Variants in GPATCH2L observed in about 807,000 individuals in gnomAD.
GPATCH2L encodes G patch domain-containing protein 2-like.
GPATCH2L carries 31 observed loss-of-function variants against 57.4 expected under a neutral mutation model. That is an observed-to-expected ratio of 0.54 (90% confidence interval 0.41 to 0.73). The LOEUF is 0.73. Among genes scored for constraint, GPATCH2L ranks in the 30% least tolerant of loss-of-function variants. The probability of loss-of-function intolerance (pLI) is 0.00; values close to 1 mark genes in which losing one functional copy is unlikely to be tolerated. For missense variants in GPATCH2L, 481 were observed against 599.9 expected (o/e 0.80, Z 2.07); for synonymous variants, 199 against 210.7 (o/e 0.94, Z 0.48).
At position 76,180,841 on chromosome 14, in the gene GPATCH2L, C is replaced by T. The variant is rs1367037853; in HGVS notation, c.1185C>T (p.Cys395=). 12 of 1,603,082 alleles carry T rather than the reference C, an allele frequency of 7.5e-6. No homozygotes were observed. The highest frequency in any genetic ancestry group is 1.0e-5 in the Non-Finnish European group (12 of 1,170,010). Residue 395 remains cysteine (C), a synonymous_variant, in exon 8 of 10, where the codon TGC becomes TGT. Transcript: ENST00000261530. ...ACCGAAGGTGTTCACCAGCACACTG[C>T]TCTGCCAGGTAATTGTCTTTTAGTA... ...ASHRRCSPAH[C]SARQANVHWG...
intron 8 of GPATCH2L, among the ~76,000 whole-genome samples, chr14:76,187,438 A>G (rs912477310): frequency 3.3e-5 from 5 of 152,114 alleles, no homozygotes; most frequent in Non-Finnish European, 7.4e-5. Context: ...AGGTGAATAG[A>G]TTAGTAATTA....
chr14:76,183,730 C>T (rs1260709336), intron 8 of GPATCH2L, among the ~76,000 whole-genome samples: 1 of 152,084 alleles, frequency 6.6e-6, no homozygotes, highest in Non-Finnish European at 1.5e-5. Context: ...ATCGTTCCTC[C>T]CCAGCAAGGG....
intron 8 of GPATCH2L, among the ~76,000 whole-genome samples, chr14:76,183,503 T>G (rs2039652905): frequency 6.6e-6 from 1 of 152,262 alleles, no homozygotes; most frequent in African/African-American, 2.4e-5. Context: ...TGTTTTAAAT[T>G]ATACATATGT....
intron 2 of GPATCH2L, among the ~76,000 whole-genome samples, chr14:76,231,974 C>CAGCCTCACTGCAGCCTCACTGCAGG (rs2040567291): frequency 1.0e-5 from 1 of 99,932 alleles, no homozygotes; most frequent in Admixed American, 1.1e-4. Flanking sequence ...CTCACTGCAG[C>CAGCCTCACTGCAGCCTCACTGCAGG]CTCACTGCAG....
At chr14:76,164,774 TCAGTAC>T (rs1377909396) in intron 2 of GPATCH2L, among the ~76,000 whole-genome samples, 3 of 152,186 alleles carry the variant, frequency 2.0e-5, no homozygotes, top group Admixed American at 2.0e-4. Context: ...CATTTTCAAG[TCAGTAC>T]CAAGTTTACA....
At position 76,201,715 on chromosome 14, in the gene GPATCH2L, C is replaced by G. The variant is rs1303679099; in HGVS notation, c.1313C>G (p.Thr438Ser). The part of the protein sequence containing the change: ...SAVHMDAVEP[T>S]TPASQAPKSP... ...GTTCACATGGATGCAGTGGAGCCAACCACACCAGCATCACAAGCCCCCAAA... is the reference window on the plus strand; with the variant it reads ...GTTCACATGGATGCAGTGGAGCCAAGCACACCAGCATCACAAGCCCCCAAA... Residue 438 changes from threonine (T) to serine (S), a missense_variant, in exon 10 of 10, where the codon ACC becomes AGC. Physicochemically the swap from Thr to Ser is moderately conservative, Grantham distance 58. This residue lies in a region of GPATCH2L where 248 missense variants were observed against 270.5 expected (regional missense o/e 0.92). Transcript: ENST00000261530. 2.5e-6 allele frequency: 4 copies of G among 1,613,422 alleles called. No individual in the cohort carries two copies. The African/African-American group carries it at 4.0e-5, about 16-fold the overall frequency.
In GPATCH2L at chr14:76,210,464, C is replaced by T. The variant is rs564924477; in HGVS notation, c.*8613C>T. The T allele has an allele frequency of 2.0e-5, 3 of 152,294 alleles. 1 individual carries two copies. The highest frequency in any genetic ancestry group is 7.2e-5 in the African/African-American group (3 of 41,566). The allele number at this position is 152,294 out of a possible 1,614,324, so 9.4% of individuals were successfully genotyped here. A position where few individuals can be genotyped will look rare whatever the true frequency, so the allele number is the denominator to read the frequency against. ...CATGGGCCAGTGTCTGATGAGACCT[C>T]TTTATTGACTTGTTTGTCCTGGTGG... On this transcript the variant is annotated 3_prime_UTR_variant, in exon 10 of 10. Transcript: ENST00000261530.
intron 9 of GPATCH2L, among the ~76,000 whole-genome samples, chr14:76,198,532 C>T (rs1019526814): frequency 6.6e-6 from 1 of 152,068 alleles, no homozygotes; most frequent in Admixed American, 6.6e-5. Context: ...TTTGATAAAG[C>T]GGAATTGAGG....
intron 1 of GPATCH2L, among the ~76,000 whole-genome samples, chr14:76,227,979 C>T (rs1460096977): frequency 6.6e-6 from 1 of 152,180 alleles, no homozygotes; most frequent in Non-Finnish European, 1.5e-5. Flanking sequence ...TCACTTCTCC[C>T]AGCGCAACTC....
chr14:76,155,607 G>A (rs1295182390), intron 2 of GPATCH2L, among the ~76,000 whole-genome samples: 2 of 152,154 alleles, frequency 1.3e-5, no homozygotes, highest in Non-Finnish European at 2.9e-5. Flanking sequence ...AGTCCCATTA[G>A]TCTTACATCA....
At chr14:76,232,603 C>A (rs143221722) in intron 2 of GPATCH2L, among the ~76,000 whole-genome samples, 1 of 152,168 alleles carries the variant, frequency 6.6e-6, no homozygotes, top group African/African-American at 2.4e-5. Flanking sequence ...TAGAAAGACT[C>A]GCAGAACTCA....
At chr14:76,162,043 A>T (rs573779100) in intron 2 of GPATCH2L, among the ~76,000 whole-genome samples, 1 of 152,332 alleles carries the variant, frequency 6.6e-6, no homozygotes, top group South Asian at 2.1e-4. Flanking sequence ...CTCAAAAAAA[A>T]TAAACAAAAA....
chr14:76,203,986 A>G lies in GPATCH2L; in HGVS notation c.*2135A>G, dbSNP rs1034099782. 2.6e-5 allele frequency: 4 copies of G among 152,040 alleles called. No homozygotes were observed. 9.4% of individuals were successfully genotyped at this position (152,040 alleles called of 1,614,324 possible). A position where few individuals can be genotyped will look rare whatever the true frequency, so the allele number is the denominator to read the frequency against. ...TTTTTTCTATATAACTTGTTTCCTA[A>G]TAGTCTGCCTTTCTACCTATGATTA... On this transcript the variant is annotated 3_prime_UTR_variant, in exon 10 of 10. Transcript: ENST00000261530.
At chr14:76,178,079 G>T in intron 7 of GPATCH2L, 37 bp downstream of exon 7, 1 of 1,520,090 alleles carries the variant, frequency 6.6e-7, no homozygotes. Flanking sequence ...TGATTTTCTT[G>T]GAGAACCGTT....
chr14:76,198,872 T>C (rs530701699), intron 9 of GPATCH2L, among the ~76,000 whole-genome samples: 12 of 152,338 alleles, frequency 7.9e-5, no homozygotes, highest in African/African-American at 2.9e-4. Flanking sequence ...TGGTTATTTG[T>C]TGTAAGAATA....
At chr14:76,217,596 G>GAA (rs11312530), downstream of GPATCH2L, among the ~76,000 whole-genome samples, 11 of 150,594 alleles carry the variant, frequency 7.3e-5, no homozygotes, top group Non-Finnish European at 1.5e-4. Flanking sequence ...TTTGACTGTT[G>GAA]AAAAAAAAAC....
In GPATCH2L at chr14:76,212,529, G is replaced by A. The variant is rs1012886377; in HGVS notation, c.*10678G>A. 5.3e-5 allele frequency: 8 copies of A among 152,084 alleles called. No homozygotes were observed. The highest frequency in any genetic ancestry group is 1.0e-4 in the Non-Finnish European group (7 of 67,994). 9.4% of individuals were successfully genotyped at this position (152,084 alleles called of 1,614,324 possible). Reference sequence around the variant, plus strand: ...GTATTGGAAACCATAGGAGACACAGGAAGAAACAAATACAATGTTAGTTGG... The same window carrying A: ...GTATTGGAAACCATAGGAGACACAGAAAGAAACAAATACAATGTTAGTTGG... On this transcript the variant is annotated 3_prime_UTR_variant, in exon 10 of 10. Transcript: ENST00000261530.
rs1212857047 is a variant in GPATCH2L, at chr14:76,207,730, A to G, written c.*5879A>G. ...AGCAATTTTGCAGGGGTTGGAGACC[A>G]ATAGCGATGTCATGCTTTTTGGTTG... is the stretch of plus-strand genomic sequence containing the variant. On this transcript the variant is annotated 3_prime_UTR_variant, in exon 10 of 10. Transcript: ENST00000261530. 6.6e-6 allele frequency: 1 copy of G among 152,190 alleles called. No homozygotes were observed. Among genetic ancestry groups the G allele is most frequent in the African/African-American group, 2.4e-5 (1 of 41,454 alleles). The allele number at this position is 152,190 out of a possible 1,614,324, so 9.4% of individuals were successfully genotyped here. A position where few individuals can be genotyped will look rare whatever the true frequency, so the allele number is the denominator to read the frequency against.
At position 76,172,121 on chromosome 14, in the gene GPATCH2L, C is replaced by T. The variant is rs183161448; in HGVS notation, c.904+102C>T. ...ACTCATGCCTTCAATCACACATTAA[C>T]TATCTGAATTTTGGAGCTAGCTCAA... On this transcript the variant is annotated intron_variant, in intron 4 of 9. Transcript: ENST00000261530. 5.4e-5 allele frequency: 39 copies of T among 719,080 alleles called. 1 individual carries two copies. The African/African-American group carries it at 5.7e-4, about 11-fold the overall frequency. 44.5% of individuals were successfully genotyped at this position (719,080 alleles called of 1,614,324 possible).
Sources: allele counts gnomAD v4.1 joint callset (sites outside exome capture counted in the v4.1 genomes callset), GRCh38; gene constraint gnomAD v4.1.1; regional missense constraint gnomAD v4.1.1; transcripts MANE v1.5; gene names NCBI Gene and HGNC (gene_info 2026-07-23, HGNC 2026-07-21).